SYNPR: variants seen among roughly 807,000 people sequenced by gnomAD.
The protein encoded by SYNPR is synaptoporin.
Under a neutral mutation model 32.9 loss-of-function variants are expected in SYNPR, and 23 were observed. That is an observed-to-expected ratio of 0.70 (90% confidence interval 0.50 to 0.99). SYNPR has a LOEUF of 0.99. Among genes scored for constraint, SYNPR ranks in the 50% least tolerant of loss-of-function variants. SYNPR has a pLI of 0.00. For missense variants in SYNPR, 318 were observed against 349.3 expected (o/e 0.91, Z 0.71); for synonymous variants, 146 against 135.9 (o/e 1.07, Z -0.52).
chr3:63,538,573 A>G (rs887810408), intron 3 of SYNPR, among the ~76,000 whole-genome samples: 6 of 152,116 alleles, frequency 3.9e-5, no homozygotes, highest in Admixed American at 3.9e-4. Context: ...GATTAATAGA[A>G]AGTGGGCAGA....
At chr3:63,480,994 G>C (rs1370533252) in intron 3 of SYNPR, 38 bp downstream of exon 3, 1 of 1,585,744 alleles carries the variant, frequency 6.3e-7, no homozygotes. Context: ...GCCTCACAGG[G>C]GGTTATTTCT....
chr3:63,327,465 C>A (rs890130333), intron 2 of SYNPR, among the ~76,000 whole-genome samples: 1 of 151,828 alleles, frequency 6.6e-6, no homozygotes, highest in Non-Finnish European at 1.5e-5. Flanking sequence ...GTATTATGTC[C>A]AAACAATTCC....
Position 63,548,384 on chromosome 3 carries a change from G to C in SYNPR, c.210-8159G>C, listed in dbSNP as rs1000050858. Among the ~76,000 whole-genome samples, 5 of 151,928 alleles carry C rather than the reference G, an allele frequency of 3.3e-5. No homozygotes were observed. In the South Asian group the frequency reaches 1.0e-3, roughly 32 times the overall value. On this transcript the variant is annotated intron_variant, in intron 3 of 5. Transcript: ENST00000478300. ...TCTGCATAATGTTGGGGGGCTACTT[G>C]GGGGGAAAAATGAGATGCAGTGTGT...
intron 1 of SYNPR, among the ~76,000 whole-genome samples, chr3:63,239,339 G>GCACCCATCCTACCATTGT (rs2086221369): frequency 6.0e-5 from 9 of 151,046 alleles, no homozygotes; most frequent in Admixed American, 5.9e-4. Flanking sequence ...GGTGTGTCAT[G>GCACCCATCCTACCATTGT]CACCCATCCT....
chr3:63,255,934 G>A (rs1384961726), intron 2 of SYNPR, among the ~76,000 whole-genome samples: 1 of 152,222 alleles, frequency 6.6e-6, no homozygotes, highest in East Asian at 1.9e-4. Flanking sequence ...GCCGCGCCTA[G>A]CTCAGAGGGT....
At position 63,313,718 on chromosome 3, in the gene SYNPR, CAT is replaced by C. The variant is rs556677547; in HGVS notation, c.84+34987_84+34988del. ...ATATATATATCCATATATATATATC[CAT>C]ATATATATATCCATATATATATATC... On this transcript the variant is annotated intron_variant, in intron 2 of 5. Transcript: ENST00000478300. Among the ~76,000 whole-genome samples the C allele has an allele frequency of 8.4e-4, 36 of 43,026 alleles. 2 individuals carry two copies. The highest frequency in any genetic ancestry group is 2.5e-3 in the African/African-American group (22 of 8,798). The allele number at this position is 43,026 out of a possible 152,430, so 28.2% of individuals were successfully genotyped here.
intron 2 of SYNPR, among the ~76,000 whole-genome samples, chr3:63,381,471 A>T (rs560893682): frequency 1.3e-5 from 2 of 152,370 alleles, no homozygotes; most frequent in African/African-American, 4.8e-5. Context: ...GAAAACGGCC[A>T]TACTGCCCAA....
intron 2 of SYNPR, among the ~76,000 whole-genome samples, chr3:63,388,658 G>C (rs759669303): frequency 4.0e-5 from 6 of 151,154 alleles, no homozygotes; most frequent in African/African-American, 7.3e-5. Flanking sequence ...CTGACTTCAT[G>C]ATCCACCCAC....
At position 63,595,733 on chromosome 3, in the gene SYNPR, ATATATATATAT is replaced by A. The variant is rs1363520065; in HGVS notation, c.409-13391_409-13381del. 8.1e-4 allele frequency among the ~76,000 whole-genome samples: 23 copies of A among 28,326 alleles called. 2 individuals carry two copies. Among genetic ancestry groups the A allele is most frequent in the Admixed American group, 4.0e-3 (8 of 2,014 alleles). 18.6% of individuals were successfully genotyped at this position (28,326 alleles called of 152,430 possible). On this transcript the variant is annotated intron_variant, in intron 4 of 5. Coordinates refer to ENST00000478300, the MANE Select transcript of SYNPR (RefSeq NM_001130003.2). ...AATCTTATTTTATATATATATATAT[ATATATATATAT>A]ATATATATATATATATATATATATA...
At chr3:63,231,171 A>G (rs1199538451) in intron 1 of SYNPR, among the ~76,000 whole-genome samples, 2 of 152,202 alleles carry the variant, frequency 1.3e-5, no homozygotes, top group African/African-American at 4.8e-5. Flanking sequence ...CAGCCATAAA[A>G]AGGAACAAAA....
At chr3:63,204,128 C>A in the SYNPR span, among the ~76,000 whole-genome samples, 5 of 152,160 alleles carry the variant, frequency 3.3e-5, no homozygotes, top group South Asian at 6.2e-4. Context: ...CATCAGCCTA[C>A]CTCACCCCCA....
intron 3 of SYNPR, among the ~76,000 whole-genome samples, chr3:63,546,715 A>G (rs1221391167): frequency 3.9e-5 from 6 of 151,970 alleles, no homozygotes; most frequent in African/African-American, 1.4e-4. Context: ...CCTCTTATGA[A>G]AAAAAAAGTT....
At chr3:63,359,535 A>G (rs1477542121) in intron 2 of SYNPR, among the ~76,000 whole-genome samples, 1 of 152,210 alleles carries the variant, frequency 6.6e-6, no homozygotes, top group Non-Finnish European at 1.5e-5. Flanking sequence ...GCACTCCCAG[A>G]GAGATGCCCT....
Position 63,480,863 on chromosome 3 carries a change from G to A in SYNPR, c.116G>A (p.Gly39Asp). Residue 39 changes from glycine to aspartate, a missense_variant, in exon 3 of 6, where the codon GGT becomes GAT. By Grantham distance (94) the Gly-to-Asp change is moderately conservative. Coordinates refer to ENST00000478300, the MANE Select transcript of SYNPR (RefSeq NM_001130003.2). ...LFAIFAFATCGGYSGGLRLSV... is the reference protein window; with the variant it reads ...LFAIFAFATCDGYSGGLRLSV... The stretch of plus-strand genomic sequence containing the variant: ...GCAATCTTTGCATTTGCAACATGCG[G>A]TGGCTATTCTGGAGGCCTGCGGCTG... The A allele has an allele frequency of 6.2e-7, 1 of 1,613,514 alleles. No individual in the cohort carries two copies. Among genetic ancestry groups the A allele is most frequent in the Non-Finnish European group, 8.5e-7 (1 of 1,179,580 alleles).
chr3:63,402,458 C>A (rs944872210), intron 2 of SYNPR, among the ~76,000 whole-genome samples: 143 of 152,266 alleles, frequency 9.4e-4, no homozygotes, highest in African/African-American at 3.3e-3. Flanking sequence ...ATTTTATAAT[C>A]CAGGGTCTGT....
chr3:63,354,357 C>G (rs1399301669), intron 2 of SYNPR, among the ~76,000 whole-genome samples: 1 of 152,220 alleles, frequency 6.6e-6, no homozygotes, highest in East Asian at 1.9e-4. Flanking sequence ...GATCCAACTG[C>G]TGGCTAATTT....
chr3:63,320,599 G>C (rs1412230059), intron 2 of SYNPR, among the ~76,000 whole-genome samples: 1 of 152,042 alleles, frequency 6.6e-6, no homozygotes, highest in Non-Finnish European at 1.5e-5. Flanking sequence ...ACAGAAATTA[G>C]AAAATTACCT....
At chr3:63,430,382 ACACACACACACAC>A in intron 2 of SYNPR, among the ~76,000 whole-genome samples, 1 of 151,960 alleles carries the variant, frequency 6.6e-6, no homozygotes, top group Non-Finnish European at 1.5e-5. Flanking sequence ...ACACACACAC[ACACACACACACAC>A]AACCTTATCC....
At chr3:63,535,694 T>C (rs1187984492) in intron 3 of SYNPR, among the ~76,000 whole-genome samples, 2 of 151,158 alleles carry the variant, frequency 1.3e-5, no homozygotes, top group Non-Finnish European at 1.5e-5. Flanking sequence ...AATAGTCTTT[T>C]CAACAAAAGG....
Sources: allele counts gnomAD v4.1 joint callset (sites outside exome capture counted in the v4.1 genomes callset), GRCh38; gene constraint gnomAD v4.1.1; transcripts MANE v1.5; gene names NCBI Gene and HGNC (gene_info 2026-07-23, HGNC 2026-07-21).